WWOX: variants seen among roughly 807,000 people sequenced by gnomAD.
The protein encoded by WWOX is WW domain containing oxidoreductase.
Under a neutral mutation model 46.2 loss-of-function variants are expected in WWOX, and 69 were observed. The ratio of observed to expected loss-of-function variants is 1.49; its 90% CI spans 1.23 to 1.82. WWOX has a LOEUF of 1.82. Among genes scored for constraint, WWOX ranks in the 40% most tolerant of loss-of-function variants. The probability of loss-of-function intolerance (pLI) is 0.00; values close to 1 mark genes in which losing one functional copy is unlikely to be tolerated. For synonymous variants in WWOX, 359 were observed against 202.6 expected (o/e 1.77, Z -6.56); for missense variants, 919 against 542.6 (o/e 1.69, Z -6.89).
chr16:78,102,354 G>A (rs1392821300), intron 1 of WWOX, among the ~76,000 whole-genome samples: 1 of 152,198 alleles, frequency 6.6e-6, no homozygotes, highest in Non-Finnish European at 1.5e-5. Flanking sequence ...GAAGGTTAAG[G>A]CAGGGAAGGG....
At chr16:78,753,825 A>ATATATATATATATAT (rs1290082739) in intron 8 of WWOX, among the ~76,000 whole-genome samples, 1 of 21,360 alleles carries the variant, frequency 4.7e-5, no homozygotes, top group Non-Finnish European at 1.2e-4. Flanking sequence ...AAAAAAAAAA[A>ATATATATATATATAT]ATATATATAT....
intron 8 of WWOX, among the ~76,000 whole-genome samples, chr16:79,179,539 A>G (rs2050868252): frequency 6.6e-6 from 1 of 152,262 alleles, no homozygotes; most frequent in Non-Finnish European, 1.5e-5. Context: ...CAGCCTAGCT[A>G]AAATGAAGGC....
intron 8 of WWOX, among the ~76,000 whole-genome samples, chr16:79,057,738 A>T (rs559127160): frequency 2.6e-5 from 4 of 152,280 alleles, no homozygotes; most frequent in East Asian, 3.9e-4. Context: ...TAGGCAAGGT[A>T]GAAGACATAG....
intron 8 of WWOX, among the ~76,000 whole-genome samples, chr16:78,966,114 C>G (rs150711478): frequency 2.6e-5 from 4 of 152,304 alleles, no homozygotes; most frequent in East Asian, 3.9e-4. Flanking sequence ...TACCTATCAG[C>G]TAAAGAACCT....
At chr16:78,534,402 A>G (rs2043705825) in intron 8 of WWOX, 1 of 152,244 alleles carries the variant, frequency 6.6e-6, no homozygotes, top group Non-Finnish European at 1.5e-5. Flanking sequence ...CAACCAACTG[A>G]AAACCATTGA....
intron 8 of WWOX, among the ~76,000 whole-genome samples, chr16:78,513,905 C>A (rs1454859853): frequency 6.7e-6 from 1 of 149,922 alleles, no homozygotes; most frequent in Admixed American, 6.6e-5. Context: ...CCCCCCCCCC[C>A]CACTTGTATC....
chr16:79,000,656 C>T (rs1249192127), intron 8 of WWOX, among the ~76,000 whole-genome samples: 2 of 152,184 alleles, frequency 1.3e-5, no homozygotes, highest in Non-Finnish European at 2.9e-5. Flanking sequence ...GCCCTGCTGA[C>T]CTTTGATTTT....
chr16:78,424,739 A>T, intron 6 of WWOX, 131 bp from the exon 7 acceptor site: 1 of 1,050,882 alleles, frequency 9.5e-7, no homozygotes, highest in East Asian at 2.4e-5. Flanking sequence ...AGAATTTCTC[A>T]TTCCCGAAGG....
At chr16:78,872,603 A>C (rs2044151544) in intron 8 of WWOX, 1 of 152,126 alleles carries the variant, frequency 6.6e-6, no homozygotes, top group African/African-American at 2.4e-5. Flanking sequence ...ACATGGTAGG[A>C]ATTCAGTAAA....
chr16:79,078,821 C>A (rs1032701585), intron 8 of WWOX, among the ~76,000 whole-genome samples: 9 of 152,196 alleles, frequency 5.9e-5, no homozygotes, highest in South Asian at 2.1e-4. Context: ...TGAGACCTAT[C>A]CCTAACGGTT....
At chr16:78,290,051 C>T (rs541917107) in intron 5 of WWOX, among the ~76,000 whole-genome samples, 2 of 152,208 alleles carry the variant, frequency 1.3e-5, no homozygotes, top group East Asian at 3.9e-4. Flanking sequence ...TGTGCACACA[C>T]ACACTTTTAA....
intron 5 of WWOX, among the ~76,000 whole-genome samples, chr16:78,316,498 A>G (rs2080358329): frequency 6.6e-6 from 1 of 151,948 alleles, no homozygotes; most frequent in Admixed American, 6.6e-5. Flanking sequence ...GCCTGCCACT[A>G]TGCCTGGGTA....
intron 8 of WWOX, among the ~76,000 whole-genome samples, chr16:79,081,483 A>G (rs933945361): frequency 3.3e-5 from 5 of 152,212 alleles, no homozygotes; most frequent in Non-Finnish European, 7.3e-5. Flanking sequence ...TGCTTTCTGC[A>G]GTCATTTTCA....
chr16:78,920,778 A>C (rs2881483), intron 8 of WWOX, among the ~76,000 whole-genome samples: 2 of 152,036 alleles, frequency 1.3e-5, no homozygotes, highest in African/African-American at 2.4e-5. Context: ...TTCTCTTCTT[A>C]TTACGCTGAG....
Position 78,312,015 on chromosome 16 carries a change from C to T in WWOX, c.517-74845C>T, listed in dbSNP as rs191686669. Among the ~76,000 whole-genome samples, 502 of 152,268 alleles carry T rather than the reference C, an allele frequency of 3.3e-3. 5 individuals are homozygous for T. The highest frequency in any genetic ancestry group is 3.4e-3 in the Middle Eastern group (1 of 294). ...ACAGAGACTGCCCATGTTCCTCGAT[C>T]CATGGCTCCTTTTCGGTCACCTTCC... On this transcript the variant is annotated intron_variant, in intron 5 of 8. Transcript: ENST00000566780.
chr16:78,833,983 G>T (rs570045135), intron 8 of WWOX, among the ~76,000 whole-genome samples: 24 of 152,184 alleles, frequency 1.6e-4, no homozygotes, highest in Non-Finnish European at 2.9e-4. Flanking sequence ...ATTGTCTTGA[G>T]TTTATTAAGC....
In WWOX at chr16:78,353,886, C is replaced by G. The variant is rs138119622; in HGVS notation, c.517-32974C>G. Among the ~76,000 whole-genome samples, 22 of 152,186 alleles carry G rather than the reference C, an allele frequency of 1.4e-4. 1 individual carries two copies. The highest frequency in any genetic ancestry group is 1.5e-5 in the Non-Finnish European group (1 of 68,030). On this transcript the variant is annotated intron_variant, in intron 5 of 8. Coordinates refer to ENST00000566780, the MANE Select transcript of WWOX (RefSeq NM_016373.4). ...TGTGGTGCCGAGTTGTCAGGATTCT[C>G]GTAAAATTCCTGGGTGATGGCTTCT...
chr16:78,403,146 A>G (rs750660164), intron 6 of WWOX, among the ~76,000 whole-genome samples: 2 of 152,204 alleles, frequency 1.3e-5, no homozygotes, highest in Non-Finnish European at 2.9e-5. Flanking sequence ...AATGCATGAG[A>G]TGTTTTATTT....
At chr16:79,175,243 T>C (rs2050777810) in intron 8 of WWOX, among the ~76,000 whole-genome samples, 1 of 152,234 alleles carries the variant, frequency 6.6e-6, no homozygotes, top group African/African-American at 2.4e-5. Flanking sequence ...GAAGTGCTTC[T>C]CAGTGATGAA....
Sources: gnomAD v4.1 joint callset for allele counts (sites outside exome capture counted in the v4.1 genomes callset) on GRCh38, gnomAD v4.1.1 for gene constraint, MANE v1.5 for transcripts, NCBI Gene and HGNC (gene_info 2026-07-23, HGNC 2026-07-21) for gene names.